PGCKA1: variants seen among roughly 807,000 people sequenced by gnomAD.
PGCKA1 encodes PDCD10 and GCKIII kinases associated 1.
the PGCKA1 span, among the ~76,000 whole-genome samples, chr4:37,551,000 T>A: frequency 7.0e-6 from 1 of 143,588 alleles, no homozygotes; most frequent in African/African-American, 2.6e-5. Flanking sequence ...ACAAAAACTG[T>A]AATAATAGTA....
At chr4:37,553,388 TGG>T in the PGCKA1 span, among the ~76,000 whole-genome samples, 79 of 137,328 alleles carry the variant, frequency 5.8e-4, no homozygotes, top group Middle Eastern at 3.8e-3. Flanking sequence ...ACTTTACCCC[TGG>T]ATGTTGTTAG....
At chr4:37,535,945 T>C in the PGCKA1 span, among the ~76,000 whole-genome samples, 1 of 152,328 alleles carries the variant, frequency 6.6e-6, no homozygotes, top group South Asian at 2.1e-4. Context: ...CCTCCTCTGT[T>C]AGATGAGCTT....
the PGCKA1 span, among the ~76,000 whole-genome samples, chr4:37,479,665 C>T: frequency 6.6e-6 from 1 of 152,154 alleles, no homozygotes; most frequent in African/African-American, 2.4e-5. Flanking sequence ...GCAGCAGCAA[C>T]ACAGTGTGAG....
At chr4:37,460,886 C>T in the PGCKA1 span, 21 of 397,568 alleles carry the variant, frequency 5.3e-5, no homozygotes, top group Non-Finnish European at 7.7e-5. Context: ...TTATTTTTGA[C>T]GATTTCATCA....
At chr4:37,515,634 A>G in the PGCKA1 span, among the ~76,000 whole-genome samples, 2 of 152,346 alleles carry the variant, frequency 1.3e-5, no homozygotes, top group South Asian at 4.1e-4. Flanking sequence ...GCTGATGATT[A>G]CCACTGAACT....
At chr4:37,513,348 G>T in the PGCKA1 span, among the ~76,000 whole-genome samples, 1 of 152,190 alleles carries the variant, frequency 6.6e-6, no homozygotes, top group East Asian at 1.9e-4. Context: ...TAAACAATGG[G>T]AATAAATTTT....
chr4:37,487,760 T>C, the PGCKA1 span, among the ~76,000 whole-genome samples: 8 of 152,176 alleles, frequency 5.3e-5, no homozygotes, highest in Admixed American at 2.0e-4. Flanking sequence ...TATCACACAT[T>C]TGTATGATTA....
the PGCKA1 span, among the ~76,000 whole-genome samples, chr4:37,458,209 A>T: frequency 6.6e-6 from 1 of 152,312 alleles, no homozygotes; most frequent in East Asian, 1.9e-4. Context: ...CTGGGACTGG[A>T]ATCTCAGAGT....
At chr4:37,491,766 G>T in the PGCKA1 span, among the ~76,000 whole-genome samples, 1 of 152,068 alleles carries the variant, frequency 6.6e-6, no homozygotes, top group Non-Finnish European at 1.5e-5. Context: ...TCTTCTGTGG[G>T]TTTTTATTTT....
At chr4:37,482,923 G>A in the PGCKA1 span, among the ~76,000 whole-genome samples, 1 of 152,224 alleles carries the variant, frequency 6.6e-6, no homozygotes. Flanking sequence ...GGAAAGGCAT[G>A]ATTGTGTTTT....
At chr4:37,460,989 A>G in the PGCKA1 span, 2 of 291,860 alleles carry the variant, frequency 6.9e-6, no homozygotes, top group Admixed American at 8.8e-5. Context: ...TAAGTCTTTA[A>G]TCCATCTTGA....
chr4:37,504,546 C>T, the PGCKA1 span, among the ~76,000 whole-genome samples: 1 of 152,174 alleles, frequency 6.6e-6, no homozygotes, highest in East Asian at 1.9e-4. Flanking sequence ...AATATTGATT[C>T]AATCCATGAA....
At chr4:37,509,268 C>A in the PGCKA1 span, among the ~76,000 whole-genome samples, 2 of 126,638 alleles carry the variant, frequency 1.6e-5, 1 homozygote, top group African/African-American at 6.4e-5. Flanking sequence ...GCAGAGGCGC[C>A]CCCCACCTCC....
chr4:37,460,877 T>G, the PGCKA1 span: 1 of 399,842 alleles, frequency 2.5e-6, no homozygotes, highest in East Asian at 8.4e-5. Context: ...TTGTTGCAAT[T>G]ATTTTTGACG....
chr4:37,590,230 C>A, the PGCKA1 span: 5 of 1,614,220 alleles, frequency 3.1e-6, no homozygotes, highest in Middle Eastern at 6.6e-4. Context: ...CCCTCAGAGG[C>A]AGGGCTCAAA....
chr4:37,503,121 C>T, the PGCKA1 span, among the ~76,000 whole-genome samples: 1 of 152,182 alleles, frequency 6.6e-6, no homozygotes, highest in Admixed American at 6.5e-5. Flanking sequence ...CTCTTAGCAG[C>T]TCTCCCTGCC....
the PGCKA1 span, among the ~76,000 whole-genome samples, chr4:37,521,759 A>G: frequency 6.6e-6 from 1 of 152,176 alleles, no homozygotes; most frequent in Admixed American, 6.5e-5. Context: ...TGTCTAAAAG[A>G]TCTGTCCAAT....
the PGCKA1 span, chr4:37,590,718 GC>G: frequency 6.2e-7 from 1 of 1,614,080 alleles, no homozygotes; most frequent in Non-Finnish European, 8.5e-7. Flanking sequence ...AGGGAATTCA[GC>G]CCCCAGTGGG....
the PGCKA1 span, among the ~76,000 whole-genome samples, chr4:37,538,067 T>TCACACACACACACA: frequency 7.3e-4 from 109 of 150,216 alleles, 1 homozygote; most frequent in African/African-American, 2.5e-3. Context: ...CACAACCCTG[T>TCACACACACACACA]CACACACACA....
Sources: gnomAD v4.1 joint callset for allele counts (sites outside exome capture counted in the v4.1 genomes callset) on GRCh38, gnomAD v4.1.1 for gene constraint, MANE v1.5 for transcripts, NCBI Gene and HGNC (gene_info 2026-07-23, HGNC 2026-07-21) for gene names.